GNA12: variants seen among roughly 807,000 people sequenced by gnomAD.
GNA12 encodes G protein subunit alpha 12.
In GNA12, 9 loss-of-function variants were observed where a neutral mutation model predicts 26.0. The observed-to-expected ratio is 0.35, with a 90% CI of 0.21 to 0.60. The LOEUF is 0.60. Among genes scored for constraint, GNA12 ranks in the 20% least tolerant of loss-of-function variants. GNA12 has a pLI of 0.78. For synonymous variants in GNA12, 264 were observed against 219.6 expected, an observed-to-expected ratio of 1.20 and a Z score of -1.79; for missense variants, 405 against 525.8, an observed-to-expected ratio of 0.77 and a Z score of 2.25.
chr7:2,758,621 G>T lies in GNA12; in HGVS notation c.526-25120C>A, dbSNP rs208347. On this transcript the variant is annotated intron_variant, in intron 2 of 3. Transcript: ENST00000275364. ...CAGGGGAGCCTTTCAAGGAACCTGG[G>T]GGAACCCCTGAAAGGGTCTCGGGGG... 7.2e-5 allele frequency among the ~76,000 whole-genome samples: 11 copies of T among 152,164 alleles called. No individual in the cohort carries two copies. The East Asian group carries it at 1.2e-3, about 16-fold the overall frequency.
At chr7:2,842,875 GC>G (rs1779039221) in intron 1 of GNA12, among the ~76,000 whole-genome samples, 1 of 152,212 alleles carries the variant, frequency 6.6e-6, no homozygotes, top group Non-Finnish European at 1.5e-5. Context: ...AGTTGGATTT[GC>G]TTGGAGACCA....
chr7:2,741,127 C>T (rs1470355341), intron 2 of GNA12, among the ~76,000 whole-genome samples: 2 of 152,164 alleles, frequency 1.3e-5, no homozygotes, highest in African/African-American at 4.8e-5. Context: ...TCACAGGGAT[C>T]ATCATAGAAA....
In GNA12 at chr7:2,807,943, T is replaced by G. The variant is rs1307427646; in HGVS notation, c.310-12800A>C. Among the ~76,000 whole-genome samples the G allele has an allele frequency of 3.3e-5, 5 of 152,268 alleles. No homozygotes were observed. The East Asian group carries it at 9.6e-4, about 29-fold the overall frequency. On this transcript the variant is annotated intron_variant, in intron 1 of 3. Coordinates refer to ENST00000275364, the MANE Select transcript of GNA12 (RefSeq NM_007353.3). ...CGCGCAGAAACCGCTCTGTGCCCCGTGGAGGAGCTACGATGAATTATTAGG... is the reference window on the plus strand; with the variant it reads ...CGCGCAGAAACCGCTCTGTGCCCCGGGGAGGAGCTACGATGAATTATTAGG...
chr7:2,843,718 G>A (rs576552632), intron 1 of GNA12, 135 bp downstream of exon 1: 6 of 439,372 alleles, frequency 1.4e-5, no homozygotes, highest in East Asian at 1.1e-4. Flanking sequence ...GGGGAGTGGG[G>A]TGCAGGCGGG....
intron 2 of GNA12, among the ~76,000 whole-genome samples, chr7:2,743,062 G>C (rs1332361862): frequency 6.6e-6 from 1 of 152,150 alleles, no homozygotes; most frequent in Non-Finnish European, 1.5e-5. Context: ...GACAGAGCTG[G>C]GGCAACCAGG....
intron 2 of GNA12, among the ~76,000 whole-genome samples, chr7:2,782,798 G>A (rs950248464): frequency 3.3e-5 from 5 of 151,750 alleles, no homozygotes; most frequent in Non-Finnish European, 7.4e-5. Context: ...TACACCTTCT[G>A]ACCCCATCCT....
chr7:2,770,361 A>G (rs1050939551), intron 2 of GNA12, among the ~76,000 whole-genome samples: 6 of 152,240 alleles, frequency 3.9e-5, no homozygotes, highest in Admixed American at 2.6e-4. Flanking sequence ...TTGAGGCTCA[A>G]TAGCCTCTAG....
At chr7:2,770,297 G>A (rs1392788951) in intron 2 of GNA12, among the ~76,000 whole-genome samples, 3 of 152,120 alleles carry the variant, frequency 2.0e-5, no homozygotes, top group Non-Finnish European at 4.4e-5. Context: ...TTATAAACAT[G>A]TCCCGTTTGG....
chr7:2,755,664 T>C (rs1791258685), intron 2 of GNA12, among the ~76,000 whole-genome samples: 1 of 152,254 alleles, frequency 6.6e-6, no homozygotes, highest in Non-Finnish European at 1.5e-5. Context: ...TGGGATTTTC[T>C]GTGCCATCTG....
chr7:2,796,954 A>G (rs1426260528), intron 1 of GNA12, among the ~76,000 whole-genome samples: 3 of 152,192 alleles, frequency 2.0e-5, no homozygotes, highest in African/African-American at 7.2e-5. Flanking sequence ...GGCACACTGC[A>G]TACTCTCTGG....
At chr7:2,819,749 A>G (rs140384153) in intron 1 of GNA12, among the ~76,000 whole-genome samples, 226 of 152,324 alleles carry the variant, frequency 1.5e-3, no homozygotes, top group Admixed American at 5.8e-3. Flanking sequence ...AGATAAACAC[A>G]AGCACGGTTA....
intron 2 of GNA12, among the ~76,000 whole-genome samples, chr7:2,735,563 G>C (rs1053645607): frequency 6.6e-6 from 1 of 152,284 alleles, no homozygotes; most frequent in East Asian, 1.9e-4. Context: ...CGTTTCCCTC[G>C]GTGTGAGTCT....
chr7:2,761,729 G>C (rs1157312627), intron 2 of GNA12, among the ~76,000 whole-genome samples: 2 of 152,134 alleles, frequency 1.3e-5, no homozygotes, highest in Admixed American at 1.3e-4. Context: ...AAACAATGAA[G>C]AGTTGACAAG....
chr7:2,763,620 G>A (rs1791679048), intron 2 of GNA12, among the ~76,000 whole-genome samples: 1 of 152,230 alleles, frequency 6.6e-6, no homozygotes, highest in Admixed American at 6.5e-5. Context: ...TATGCAGAAA[G>A]AGCTGCAGTG....
rs1791882803 is a variant in GNA12 at position 2,768,995 on chromosome 7, C to G, written c.525+25933G>C. ...GGCTGATCTCGGCTCCCTCCACCTC[C>G]TGGGTTCAAGCAGTTCTCCTGCCTC... On this transcript the variant is annotated intron_variant, in intron 2 of 3. Coordinates refer to ENST00000275364, the MANE Select transcript of GNA12 (RefSeq NM_007353.3). Among the ~76,000 whole-genome samples the G allele has an allele frequency of 2.6e-5, 4 of 152,200 alleles. No individual in the cohort carries two copies. The South Asian group carries it at 8.3e-4, about 31-fold the overall frequency.
chr7:2,800,811 C>G (rs1792791809), intron 1 of GNA12, among the ~76,000 whole-genome samples: 2 of 152,126 alleles, frequency 1.3e-5, no homozygotes, highest in African/African-American at 4.8e-5. Context: ...TGAATAAACT[C>G]TCCACTTTCC....
intron 2 of GNA12, among the ~76,000 whole-genome samples, chr7:2,784,235 G>C (rs1295595389): frequency 6.6e-6 from 1 of 152,062 alleles, no homozygotes; most frequent in African/African-American, 2.4e-5. Flanking sequence ...CTCCCACCTC[G>C]GCTTCCCGAG....
chr7:2,770,712 G>C (rs1464347355), intron 2 of GNA12, among the ~76,000 whole-genome samples: 1 of 152,088 alleles, frequency 6.6e-6, no homozygotes, highest in Non-Finnish European at 1.5e-5. Context: ...CAAAAACAAA[G>C]CAACATGGAT....
chr7:2,732,177 A>C (rs1016066166), intron 3 of GNA12, among the ~76,000 whole-genome samples: 22 of 152,190 alleles, frequency 1.4e-4, no homozygotes, highest in Non-Finnish European at 2.9e-4. Flanking sequence ...AATACATTTA[A>C]TGTTATTCTT....
Sources: allele counts gnomAD v4.1 joint callset (sites outside exome capture counted in the v4.1 genomes callset), GRCh38; gene constraint gnomAD v4.1.1; transcripts MANE v1.5; gene names NCBI Gene and HGNC (gene_info 2026-07-23, HGNC 2026-07-21).